Variants in FNDC1 observed in about 807,000 individuals in gnomAD.
The protein encoded by FNDC1 is fibronectin type III domain containing 1, also known as fibronectin type III domain-containing protein 1.
Under a neutral mutation model 168.0 loss-of-function variants are expected in FNDC1, and 96 were observed. The ratio of observed to expected loss-of-function variants is 0.57; its 90% CI spans 0.48 to 0.68. FNDC1 has a LOEUF of 0.68. FNDC1 is among the 30% of genes least tolerant of loss of function. FNDC1 has a pLI of 0.00. For missense variants in FNDC1, 2,587 were observed against 2,482.1 expected (o/e 1.04, Z -0.90); for synonymous variants, 1,099 against 1,025.9 (o/e 1.07, Z -1.36).
At chr6:159,171,510 C>T (rs976674499) in intron 1 of FNDC1, among the ~76,000 whole-genome samples, 4 of 152,174 alleles carry the variant, frequency 2.6e-5, no homozygotes, top group African/African-American at 9.7e-5. Flanking sequence ...CAAGCTCTCC[C>T]CTTCACCACC....
At chr6:159,172,182 A>C (rs1366043685) in intron 1 of FNDC1, among the ~76,000 whole-genome samples, 2 of 152,232 alleles carry the variant, frequency 1.3e-5, no homozygotes, top group East Asian at 3.8e-4. Flanking sequence ...AGGACACATA[A>C]GTTACTACTG....
chr6:159,177,794 G>A (rs1266028150), intron 1 of FNDC1, among the ~76,000 whole-genome samples: 1 of 152,194 alleles, frequency 6.6e-6, no homozygotes, highest in African/African-American at 2.4e-5. Flanking sequence ...AGTAGCTGGT[G>A]TGGCTGTGTT....
chr6:159,220,468 G>A (rs1021350032), intron 5 of FNDC1, among the ~76,000 whole-genome samples: 1 of 152,170 alleles, frequency 6.6e-6, no homozygotes, highest in African/African-American at 2.4e-5. Context: ...GCTGCAACAG[G>A]AGCCTTGGTC....
rs1777620111 is a variant in FNDC1 at position 159,267,786 on chromosome 6, A to G, written c.5447-18A>G. ...CTTTCTGTACCTAGTCATGGACTCAATCAATTCCTTCATGCAGATACATTC... is the reference window on the plus strand; with the variant it reads ...CTTTCTGTACCTAGTCATGGACTCAGTCAATTCCTTCATGCAGATACATTC... On this transcript the variant is annotated intron_variant, in intron 21 of 22. Coordinates refer to ENST00000297267, the MANE Select transcript of FNDC1 (RefSeq NM_032532.3). 7 of 1,613,402 alleles carry G rather than the reference A, an allele frequency of 4.3e-6. No homozygotes were observed. Among genetic ancestry groups the G allele is most frequent in the African/African-American group, 1.3e-5 (1 of 74,928 alleles).
chr6:159,220,451 G>C (rs1229358560), intron 5 of FNDC1, among the ~76,000 whole-genome samples: 1 of 152,170 alleles, frequency 6.6e-6, no homozygotes, highest in Admixed American at 6.5e-5. Flanking sequence ...TTCTTGAAAA[G>C]ATTAAAGCTG....
Position 159,232,462 on chromosome 6 carries a change from T to G in FNDC1, c.1950T>G (p.Asp650Glu), listed in dbSNP as rs764507497. Residue 650 changes from aspartate to glutamate, a missense_variant, in exon 11 of 23, where the codon GAT becomes GAG. By Grantham distance (45) the Asp-to-Glu change is conservative (BLOSUM62 2). Transcript: ENST00000297267. This position sits in a 1 kb window ranked among gnomAD's most constrained non-coding sequence, Gnocchi z 4.9. ...ACGACTTGGTGGACTCAGACGAAGA[T>G]GAGCGCGCTGTGGGCTCCCTCCACC... ...NDNDLVDSDE[D>E]ERAVGSLHPK... 6.2e-7 allele frequency: 1 copy of G among 1,612,260 alleles called. No homozygotes were observed. The highest frequency in any genetic ancestry group is 1.1e-5 in the South Asian group (1 of 90,888).
Position 159,231,273 on chromosome 6 carries a change from GCTGAGGCAGGAGA to G in FNDC1, c.1370-608_1370-596del, listed in dbSNP as rs1235788682. ...GCCTGTAGTCCCAGCTACTCGGGAG[GCTGAGGCAGGAGA>G]ATGGCGTGAACCCGGGAAGCGGAGC... On this transcript the variant is annotated intron_variant, in intron 10 of 22. Coordinates refer to ENST00000297267, the MANE Select transcript of FNDC1 (RefSeq NM_032532.3). Among the ~76,000 whole-genome samples, 2 of 80,838 alleles carry G rather than the reference GCTGAGGCAGGAGA, an allele frequency of 2.5e-5. 1 individual carries two copies. The highest frequency in any genetic ancestry group is 5.9e-5 in the African/African-American group (2 of 33,840). The allele number at this position is 80,838 out of a possible 152,430, so 53.0% of individuals were successfully genotyped here.
In FNDC1 at chr6:159,229,858, A is replaced by C. The variant is rs374491526; in HGVS notation, c.1224A>C (p.Ala408=). The change falls in exon 10 of 23, where the codon GCA becomes GCC. Residue 408 remains alanine (A), a synonymous_variant. Transcript: ENST00000297267. ...SYAPALKPFG[A]KSLTYPGDTT... The stretch of plus-strand genomic sequence containing the variant: ...CCCCGGCTCTCAAACCATTTGGAGC[A>C]AAGTCCCTCACCTATCCTGGAGACA... 1 of 1,613,600 alleles carries C rather than the reference A, an allele frequency of 6.2e-7. No homozygotes were observed. Among genetic ancestry groups the C allele is most frequent in the East Asian group, 2.2e-5 (1 of 44,878 alleles).
chr6:159,217,846 C>CT (rs760296819), intron 5 of FNDC1, among the ~76,000 whole-genome samples: 97 of 152,152 alleles, frequency 6.4e-4, no homozygotes, highest in Middle Eastern at 3.2e-3. Context: ...AGTAGAAACT[C>CT]TAGAGTGATG....
chr6:159,200,038 A>T lies in FNDC1; in HGVS notation c.347A>T (p.His116Leu). 6.2e-7 allele frequency: 1 copy of T among 1,606,536 alleles called. No individual in the cohort carries two copies. Among genetic ancestry groups the T allele is most frequent in the Non-Finnish European group, 8.5e-7 (1 of 1,176,424 alleles). ...TTTGTGCTGCTTACTGCAGAAAACCACAGTGGAGTGAGCCGTCCTGTTTAC... is the reference window on the plus strand; with the variant it reads ...TTTGTGCTGCTTACTGCAGAAAACCTCAGTGGAGTGAGCCGTCCTGTTTAC... ...VYFVLLTAEN[H>L]SGVSRPVYRA... The change falls in exon 3 of 23, where the codon CAC becomes CTC. Residue 116 changes from histidine to leucine, a missense_variant. Transcript: ENST00000297267.
chr6:159,188,259 T>C (rs1322340606), intron 1 of FNDC1, among the ~76,000 whole-genome samples: 1 of 152,238 alleles, frequency 6.6e-6, no homozygotes, highest in Non-Finnish European at 1.5e-5. Context: ...TCTTTGTAAC[T>C]TAGTCTGTCC....
In FNDC1 at chr6:159,239,646, T is replaced by C. The variant is rs375622218; in HGVS notation, c.4310T>C (p.Leu1437Ser). 5 of 1,553,782 alleles carry C rather than the reference T, an allele frequency of 3.2e-6. No individual in the cohort carries two copies. The African/African-American group carries it at 4.1e-5, about 13-fold the overall frequency. ...LSLGGKPLVG[L>S]EVIKKTTHPP... Reference sequence around the variant, plus strand: ...CTTGGAGGAAAGCCGCTGGTGGGCTTGGAGGTCATCAAAAAAACCACCCAT... The same window carrying C: ...CTTGGAGGAAAGCCGCTGGTGGGCTCGGAGGTCATCAAAAAAACCACCCAT... Residue 1437 changes from leucine (L) to serine (S), a missense_variant, in exon 14 of 23, where the codon TTG becomes TCG. Transcript: ENST00000297267.
chr6:159,269,281 TATCTATCTATCC>T (rs147404749), intron 22 of FNDC1, among the ~76,000 whole-genome samples: 6,895 of 55,162 alleles, frequency 0.12, 871 homozygotes, highest in Non-Finnish European at 0.23. Context: ...TCTATCTATC[TATCTATCTATCC>T]ATCCATCCAT....
At chr6:159,252,209 G>T (rs1777282783) in intron 17 of FNDC1, among the ~76,000 whole-genome samples, 1 of 151,856 alleles carries the variant, frequency 6.6e-6, no homozygotes, top group South Asian at 2.1e-4. Context: ...TATTTTCTGT[G>T]AATAATTGCA....
intron 4 of FNDC1, among the ~76,000 whole-genome samples, chr6:159,207,662 T>C (rs1343286820): frequency 3.3e-5 from 5 of 152,226 alleles, no homozygotes; most frequent in Non-Finnish European, 7.3e-5. Flanking sequence ...TATATTGTAA[T>C]TGGATCTTTC....
chr6:159,223,437 A>G, intron 6 of FNDC1, 91 bp from the exon 7 acceptor site: 1 of 657,334 alleles, frequency 1.5e-6, no homozygotes, highest in Non-Finnish European at 2.6e-6. Context: ...AAACTTATGC[A>G]GGGTGAATAA....
intron 6 of FNDC1, 61 bp from the exon 7 acceptor site, chr6:159,223,467 G>A (rs1030665701): frequency 2.0e-6 from 2 of 1,000,720 alleles, no homozygotes; most frequent in Non-Finnish European, 3.1e-6. Context: ...AAGGACTGAG[G>A]AGCTCAGGGC....
chr6:159,256,601 T>C lies in FNDC1; in HGVS notation c.5144T>C (p.Leu1715Ser). 1 of 1,613,890 alleles carries C rather than the reference T, an allele frequency of 6.2e-7. No individual in the cohort carries two copies. The highest frequency in any genetic ancestry group is 8.5e-7 in the Non-Finnish European group (1 of 1,179,736). ...ACTCAAGCTTCATCAGTAACTCACT[T>C]GCCCATTGAGAACCTAAAGCCCAAC... ...WSTQASSVTH[L>S]PIENLKPNTR... is the part of the protein sequence containing the mutation. The change falls in exon 18 of 23, where the codon TTG (leucine) becomes TCG (serine). Residue 1715 changes from leucine to serine, a missense_variant. Leu to Ser is a moderately radical substitution (Grantham distance 145, BLOSUM62 -2). Transcript: ENST00000297267.
intron 17 of FNDC1, among the ~76,000 whole-genome samples, chr6:159,252,693 T>A (rs1755522606): frequency 6.6e-6 from 1 of 152,226 alleles, no homozygotes; most frequent in Non-Finnish European, 1.5e-5. Context: ...AAGCTTGTAA[T>A]CAAACATCCA....
Sources: allele counts gnomAD v4.1 joint callset (sites outside exome capture counted in the v4.1 genomes callset), GRCh38; gene constraint gnomAD v4.1.1; non-coding constraint Gnocchi (gnomAD v3.1); transcripts MANE v1.5; gene names NCBI Gene and HGNC (gene_info 2026-07-23, HGNC 2026-07-21).